PHKA1: variants seen among roughly 807,000 people sequenced by gnomAD.
PHKA1 encodes the protein phosphorylase b kinase regulatory subunit alpha, skeletal muscle isoform.
Under a neutral mutation model 110.2 loss-of-function variants are expected in PHKA1, and 60 were observed. The observed-to-expected ratio is 0.54, with a 90% CI of 0.44 to 0.68. The LOEUF (loss-of-function observed/expected upper bound fraction) is 0.68, where lower values mean the gene tolerates loss of function less well. Among genes scored for constraint, PHKA1 ranks in the 30% least tolerant of loss-of-function variants. The pLI, the probability that PHKA1 is intolerant of heterozygous loss-of-function variation, is 0.00. For synonymous variants in PHKA1, 316 were observed against 333.6 expected, an observed-to-expected ratio of 0.95 and a Z score of 0.58; for missense variants, 801 against 942.5, an observed-to-expected ratio of 0.85 and a Z score of 1.97.
In PHKA1 at chrX:72,701,576, G is replaced by A. The variant is rs141912372; in HGVS notation, c.285+3622C>T. ...CCTACTAAAAATACAAAAATTAGCC[G>A]GGCACAGTGGTGGGCGCCTGTAACC... On this transcript the variant is annotated intron_variant, in intron 3 of 31. Coordinates refer to ENST00000373542, the MANE Select transcript of PHKA1 (RefSeq NM_002637.4). Among the ~76,000 whole-genome samples, 673 of 111,125 alleles carry A rather than the reference G, an allele frequency of 6.1e-3. 7 individuals carry two copies. The highest frequency in any genetic ancestry group is 0.021 in the African/African-American group (637 of 30,588).
intron 2 of PHKA1, among the ~76,000 whole-genome samples, chrX:72,710,039 CT>C (rs376776088): frequency 0.077 from 5,168 of 67,234 alleles, 627 homozygotes; most frequent in East Asian, 0.66. Context: ...AAGACTTAGT[CT>C]TCAAAAAAAA....
At chrX:72,668,838 C>G (rs375008961) in intron 6 of PHKA1, among the ~76,000 whole-genome samples, 2 of 111,610 alleles carry the variant, frequency 1.8e-5, no homozygotes, top group African/African-American at 6.5e-5. Context: ...ACTCAAAAGT[C>G]CAAAATCTCA....
At chrX:72,628,521 C>G (rs1367342816) in intron 16 of PHKA1, among the ~76,000 whole-genome samples, 2 of 106,184 alleles carry the variant, frequency 1.9e-5, no homozygotes, top group Admixed American at 2.1e-4. Context: ...AAGGACAGCT[C>G]TCTTCAACCT....
At chrX:72,702,691 C>G (rs1556330278) in intron 3 of PHKA1, among the ~76,000 whole-genome samples, 2 of 111,514 alleles carry the variant, frequency 1.8e-5, no homozygotes, top group African/African-American at 3.3e-5. Context: ...CATGAGAGAT[C>G]AGGCGAAACC....
At chrX:72,597,321 G>A (rs782299294) in intron 28 of PHKA1, among the ~76,000 whole-genome samples, 1 of 111,974 alleles carries the variant, frequency 8.9e-6, no homozygotes, top group South Asian at 3.8e-4. Context: ...CTTTCTGGGA[G>A]TCCAGAGTTT....
intron 8 of PHKA1, among the ~76,000 whole-genome samples, chrX:72,663,321 G>A (rs1418398138): frequency 1.2e-4 from 12 of 103,121 alleles, no homozygotes; most frequent in African/African-American, 4.3e-4. Flanking sequence ...AAATAAACCA[G>A]GCATACAAAA....
At chrX:72,586,927 C>A (rs782779032) in intron 29 of PHKA1, among the ~76,000 whole-genome samples, 10 of 110,762 alleles carry the variant, frequency 9.0e-5, no homozygotes, top group Non-Finnish European at 1.7e-4. Context: ...AAATATGGGA[C>A]TATGTGAAAA....
At position 72,676,204 on chromosome X, in the gene PHKA1, C is replaced by T. The variant is rs1057484665; in HGVS notation, c.538-54G>A. The T allele has an allele frequency of 2.2e-5, 20 of 918,763 alleles. No individual in the cohort carries two copies. In the East Asian group the frequency reaches 5.9e-4, roughly 27 times the overall value. 75.7% of individuals were successfully genotyped at this position (918,763 alleles called of 1,213,427 possible). On this transcript the variant is annotated intron_variant, in intron 5 of 31. Coordinates refer to ENST00000373542, the MANE Select transcript of PHKA1 (RefSeq NM_002637.4). ...GCAAGTCATAACTACTAAATACTTC[C>T]TAGATGCAGGAAGTGTTTACCCTTG...
chrX:72,630,999 G>GTTTTTTTTTTTTTTTTTTTTTTT (rs146161152), intron 16 of PHKA1, among the ~76,000 whole-genome samples: 1 of 44,708 alleles, frequency 2.2e-5, no homozygotes, highest in Non-Finnish European at 3.8e-5. Flanking sequence ...ATTTTTTCAG[G>GTTTTTTTTTTTTTTTTTTTTTTT]TTTTTTTTTT....
Position 72,611,107 on chromosome X carries a change from T to C in PHKA1, c.2447A>G (p.Lys816Arg). The C allele has an allele frequency of 8.3e-7, 1 of 1,203,285 alleles. No homozygotes were observed. The highest frequency in any genetic ancestry group is 1.1e-6 in the Non-Finnish European group (1 of 887,957). ...VRELLTELYG[K>R]VGEIRHWGLI... ...GCCCCAGTGACGAATTTCTCCCACT[T>C]TGCCATACAGCTCGGTAAGAAGCTC... Residue 816 changes from lysine (K) to arginine (R), a missense_variant, in exon 22 of 32, where the codon AAA (lysine) becomes AGA (arginine). By Grantham distance (26) the Lys-to-Arg change is conservative (BLOSUM62 2). Around this residue, in one of 2 missense-constraint regions of PHKA1, gnomAD observed 502 missense variants for 519.2 expected, o/e 0.97. Transcript: ENST00000373542.
At chrX:72,681,393 TG>T (rs1293049179) in intron 5 of PHKA1, among the ~76,000 whole-genome samples, 1,597 of 80,811 alleles carry the variant, frequency 0.02, 6 homozygotes, top group African/African-American at 0.062. Context: ...GGGAGGGAGG[TG>T]GGGGGGGGTC....
At chrX:72,613,240 A>T (rs1282092638) in intron 21 of PHKA1, among the ~76,000 whole-genome samples, 1 of 111,938 alleles carries the variant, frequency 8.9e-6, no homozygotes, top group African/African-American at 3.2e-5. Flanking sequence ...TGTAGTTATC[A>T]TCAAGATATA....
Position 72,623,204 on chromosome X carries a change from C to G in PHKA1, c.1865G>C (p.Gly622Ala). ...TTCACTGTACAGCTTACCCTCAGGT[C>G]CAGGGTCCATGAAGCTCAAGTGTGT... is the stretch of plus-strand genomic sequence containing the variant. ...CCTHLSFMDPGPEGKLYSEDY... is the reference protein window; with the variant it reads ...CCTHLSFMDPAPEGKLYSEDY... Residue 622 changes from glycine to alanine, a missense_variant, in exon 18 of 32, where the codon GGA becomes GCA. By Grantham distance (60) the Gly-to-Ala change is moderately conservative. This residue lies in a region of PHKA1 where 502 missense variants were observed against 519.2 expected (regional missense o/e 0.97). Transcript: ENST00000373542. 8.3e-7 allele frequency: 1 copy of G among 1,209,077 alleles called. No homozygotes were observed. The highest frequency in any genetic ancestry group is 1.7e-5 in the African/African-American group (1 of 57,577).
intron 5 of PHKA1, among the ~76,000 whole-genome samples, chrX:72,676,411 T>A (rs1556311832): frequency 9.0e-6 from 1 of 111,497 alleles, no homozygotes; most frequent in East Asian, 2.8e-4. Context: ...GGCTAAGAAC[T>A]ATAACTCTGT....
In PHKA1 at chrX:72,650,397, C is replaced by A. The variant is rs781830886; in HGVS notation, c.1317G>T (p.Val439=). 2 of 1,205,561 alleles carry A rather than the reference C, an allele frequency of 1.7e-6. No homozygotes were observed. The highest frequency in any genetic ancestry group is 3.5e-5 in the African/African-American group (2 of 56,968). The change falls in exon 13 of 32, where the codon GTG becomes GTT. Residue 439 remains valine (V), a synonymous_variant. Transcript: ENST00000373542. The part of the protein sequence containing the change: ...RFSTVPKPDV[V]VQVSILAETE... The stretch of plus-strand genomic sequence containing the variant: ...GGGAATAAGAATACATACCTTGAAC[C>A]ACAACATCGGGCTTCGGTACAGTAG...
At chrX:72,666,892 A>C (rs1392652667) in intron 7 of PHKA1, among the ~76,000 whole-genome samples, 1 of 112,450 alleles carries the variant, frequency 8.9e-6, no homozygotes, top group African/African-American at 3.2e-5. Flanking sequence ...CAATGAGAAA[A>C]ACCTTAATCT....
intron 16 of PHKA1, among the ~76,000 whole-genome samples, chrX:72,634,132 ATTGTC>A (rs1378126304): frequency 8.9e-6 from 1 of 112,133 alleles, no homozygotes; most frequent in Admixed American, 9.5e-5. Context: ...TTCTTTATAT[ATTGTC>A]TTAAGTTGTT....
At chrX:72,616,097 G>A (rs781891573) in intron 21 of PHKA1, among the ~76,000 whole-genome samples, 25 of 111,706 alleles carry the variant, frequency 2.2e-4, no homozygotes, top group African/African-American at 7.8e-4. Context: ...AGGTGCTGTG[G>A]CTCACACCTG....
At chrX:72,621,411 T>C (rs2052977412) in intron 18 of PHKA1, among the ~76,000 whole-genome samples, 1 of 111,846 alleles carries the variant, frequency 8.9e-6, no homozygotes, top group Non-Finnish European at 1.9e-5. Flanking sequence ...ATTTCAGTGG[T>C]GAAGAGGATG....
Sources: gnomAD v4.1 joint callset for allele counts (sites outside exome capture counted in the v4.1 genomes callset) on GRCh38, gnomAD v4.1.1 for gene constraint, gnomAD v4.1.1 regional missense constraint, MANE v1.5 for transcripts, NCBI Gene and HGNC (gene_info 2026-07-23, HGNC 2026-07-21) for gene names.